BCL9: variants seen among roughly 807,000 people sequenced by gnomAD.
BCL9 encodes BCL9 transcription coactivator, also known as B-cell CLL/lymphoma 9 protein.
In BCL9, 25 loss-of-function variants were observed where a neutral mutation model predicts 88.5. The observed-to-expected ratio is 0.28, with a 90% CI of 0.21 to 0.39. The LOEUF (loss-of-function observed/expected upper bound fraction) is 0.39. Among genes scored for constraint, BCL9 ranks in the 10% least tolerant of loss-of-function variants. BCL9 has a pLI of 1.00. For missense variants in BCL9, 1,817 were observed against 1,877.8 expected (o/e 0.97, Z 0.60); for synonymous variants, 711 against 673.3 (o/e 1.06, Z -0.87).
chr1:147,572,643 G>A (rs1553197561), intron 1 of BCL9, among the ~76,000 whole-genome samples: 3 of 152,216 alleles, frequency 2.0e-5, no homozygotes, highest in East Asian at 1.9e-4. Context: ...GCAGTGGCAC[G>A]ATATTGGCTT....
rs1553205129 is a variant in BCL9 at position 147,620,698 on chromosome 1, T to G, written c.2543T>G (p.Ile848Arg). The change falls in exon 8 of 10, where the codon ATA becomes AGA. Residue 848 changes from isoleucine to arginine, a missense_variant. Physicochemically the swap from Ile to Arg is moderately conservative, Grantham distance 97. Around this residue, in one of 2 missense-constraint regions of BCL9, gnomAD observed 1,228 missense variants for 1,191.6 expected, o/e 1.03. Transcript: ENST00000234739. Reference protein sequence around the residue: ...QRGLGRKPLDISVAGSQVHSP... With the variant: ...QRGLGRKPLDRSVAGSQVHSP... ...GGCCTGGGGCGGAAGCCCTTGGATA[T>G]ATCTGTGGCAGGCAGCCAGGTGCAT... 6.2e-7 allele frequency: 1 copy of G among 1,614,188 alleles called. No homozygotes were observed. Among genetic ancestry groups the G allele is most frequent in the Non-Finnish European group, 8.5e-7 (1 of 1,180,042 alleles).
chr1:147,546,531 A>C (rs1364959884), intron 1 of BCL9, among the ~76,000 whole-genome samples: 1 of 152,162 alleles, frequency 6.6e-6, no homozygotes, highest in Non-Finnish European at 1.5e-5. Flanking sequence ...TCCCCATTCT[A>C]CTTCTCTAGA....
rs782322083 is a variant in BCL9 at position 147,615,863 on chromosome 1, C to T, written c.621C>T (p.Asn207=). 5.6e-6 allele frequency: 9 copies of T among 1,614,044 alleles called. No homozygotes were observed. In the African/African-American group the frequency reaches 8.0e-5, roughly 14 times the overall value. ...VETIVSFHIQ[N]ISNNKTERST... ...CTATCGTCTCTTTCCACATCCAGAA[C>T]ATTTCTAACAACAAGACAGAGAGAA... The change falls in exon 7 of 10, where the codon AAC becomes AAT. Residue 207 remains asparagine, a synonymous_variant. Coordinates refer to ENST00000234739, the MANE Select transcript of BCL9 (RefSeq NM_004326.4).
intron 1 of BCL9, among the ~76,000 whole-genome samples, chr1:147,599,444 T>G (rs1245233316): frequency 2.6e-5 from 4 of 151,620 alleles, no homozygotes; most frequent in Admixed American, 6.5e-5. Flanking sequence ...TGTCAAAAGA[T>G]GGCCAAATTC....
At position 147,620,925 on chromosome 1, in the gene BCL9, CCAT is replaced by C; in HGVS notation, c.2773_2775del (p.Ser925del). ...TGCTTCACCTGTCCACCTCAAGTCT[CCAT>C]CACTTCCTGCCCCGTCACCTGGATG... On this transcript the variant is annotated inframe_deletion, in exon 8 of 10. Transcript: ENST00000234739. 6.2e-7 allele frequency: 1 copy of C among 1,614,192 alleles called. No homozygotes were observed. The highest frequency in any genetic ancestry group is 2.2e-5 in the East Asian group (1 of 44,872).
intron 3 of BCL9, among the ~76,000 whole-genome samples, chr1:147,608,330 CTTTTTTTTTTTTTT>C (rs35324998): frequency 9.9e-6 from 1 of 101,058 alleles, no homozygotes; most frequent in Non-Finnish European, 1.8e-5. Context: ...TTTTGTTTTG[CTTTTTTTTTTTTTT>C]TTTTTTAGCA....
chr1:147,587,295 T>G, intron 1 of BCL9, among the ~76,000 whole-genome samples: 1 of 152,268 alleles, frequency 6.6e-6, no homozygotes, highest in East Asian at 1.9e-4. Context: ...GGCAGTGAAC[T>G]TGGCTCAGGC....
intron 1 of BCL9, among the ~76,000 whole-genome samples, chr1:147,547,025 ATGT>A (rs1654637648): frequency 6.6e-6 from 1 of 151,784 alleles, no homozygotes. Context: ...TTGTGCTCAC[ATGT>A]TGTTTTGAGG....
At chr1:147,610,382 G>A (rs1179872741) in intron 3 of BCL9, among the ~76,000 whole-genome samples, 1 of 152,092 alleles carries the variant, frequency 6.6e-6, no homozygotes, top group Non-Finnish European at 1.5e-5. Context: ...TTCTTTCACT[G>A]TCCCAGGTAA....
At chr1:147,617,822 G>A (rs1658367244) in intron 7 of BCL9, among the ~76,000 whole-genome samples, 1 of 152,160 alleles carries the variant, frequency 6.6e-6, no homozygotes. Context: ...AAGGCCTTTG[G>A]TGAAAGGTCT....
chr1:147,624,280 C>T lies in BCL9; in HGVS notation c.3602C>T (p.Pro1201Leu). The T allele has an allele frequency of 1.9e-6, 3 of 1,614,112 alleles. No individual in the cohort carries two copies. Among genetic ancestry groups the T allele is most frequent in the Non-Finnish European group, 2.5e-6 (3 of 1,180,002 alleles). The change falls in exon 10 of 10, where the codon CCT becomes CTT. Residue 1201 changes from proline (P) to leucine (L), a missense_variant. Physicochemically the swap from Pro to Leu is moderately conservative, Grantham distance 98. This residue lies in a region of BCL9 where 589 missense variants were observed against 686.2 expected (regional missense o/e 0.86). Transcript: ENST00000234739. This position sits in a 1 kb window ranked among gnomAD's most constrained non-coding sequence, Gnocchi z 4.4. ...TGCAAGCCTGGAGGCCCCGGGGGTC[C>T]TGACTCCTTCACTGTCCTGGGGAAC... ...ALCKPGGPGGPDSFTVLGNSM... is the reference protein window; with the variant it reads ...ALCKPGGPGGLDSFTVLGNSM...
chr1:147,544,009 C>T (rs115773993), intron 1 of BCL9, among the ~76,000 whole-genome samples: 2,171 of 152,248 alleles, frequency 0.014, 56 homozygotes, highest in African/African-American at 0.049. Flanking sequence ...TGCATAAATT[C>T]ATTCATGTAT....
chr1:147,562,830 T>A (rs1553196273), intron 1 of BCL9, among the ~76,000 whole-genome samples: 1 of 152,204 alleles, frequency 6.6e-6, no homozygotes, highest in Non-Finnish European at 1.5e-5. Context: ...CTCATTGCTG[T>A]CCCACTTAAT....
At chr1:147,571,446 CA>C (rs1655882060) in intron 1 of BCL9, among the ~76,000 whole-genome samples, 1 of 152,120 alleles carries the variant, frequency 6.6e-6, no homozygotes, top group African/African-American at 2.4e-5. Context: ...TTCTAATCTC[CA>C]AAAAAGTAGC....
chr1:147,600,174 T>A (rs1406758426), intron 1 of BCL9: 1 of 158,346 alleles, frequency 6.3e-6, no homozygotes, highest in Non-Finnish European at 1.4e-5. Context: ...TATGTGTGCT[T>A]GCCGGAGTGG....
In BCL9 at chr1:147,618,852, C is replaced by T. The variant is rs782051332; in HGVS notation, c.697C>T (p.Pro233Ser). ...ATCTGCCCTTCGGAATGATCCGAAA[C>T]CTCTCCCACAACAGCCCCCAGCTCC... ...QISALRNDPK[P>S]LPQQPPAPAN... The change falls in exon 8 of 10, where the codon CCT (proline) becomes TCT (serine). Residue 233 changes from proline (P) to serine (S), a missense_variant. This residue lies in a region of BCL9 where 1,228 missense variants were observed against 1,191.6 expected (regional missense o/e 1.03). Coordinates refer to ENST00000234739, the MANE Select transcript of BCL9 (RefSeq NM_004326.4). 1.3e-6 allele frequency: 2 copies of T among 1,585,874 alleles called. No homozygotes were observed. Among genetic ancestry groups the T allele is most frequent in the African/African-American group, 1.4e-5 (1 of 73,942 alleles).
At chr1:147,610,271 G>A (rs782594962) in intron 3 of BCL9, among the ~76,000 whole-genome samples, 3 of 151,460 alleles carry the variant, frequency 2.0e-5, no homozygotes, top group Non-Finnish European at 2.9e-5. Context: ...CCTGAGGTCA[G>A]CATAGAAACA....
At chr1:147,572,283 C>T (rs782629005) in intron 1 of BCL9, among the ~76,000 whole-genome samples, 7 of 151,998 alleles carry the variant, frequency 4.6e-5, no homozygotes, top group East Asian at 1.9e-4. Flanking sequence ...CAAAAACAAA[C>T]GTAAAAGAGA....
intron 6 of BCL9, 27 bp from the exon 7 acceptor site, chr1:147,615,774 AGT>A (rs1557856829): frequency 6.4e-7 from 1 of 1,568,078 alleles, no homozygotes. Context: ...AACAAGTTCT[AGT>A]GTGTGCTGTC....
Sources: allele counts gnomAD v4.1 joint callset (sites outside exome capture counted in the v4.1 genomes callset), GRCh38; gene constraint gnomAD v4.1.1; regional missense constraint gnomAD v4.1.1; non-coding constraint Gnocchi (gnomAD v3.1); transcripts MANE v1.5; gene names NCBI Gene and HGNC (gene_info 2026-07-23, HGNC 2026-07-21).